Variants in RNF138 observed in about 807,000 individuals in gnomAD.
RNF138 encodes the protein E3 ubiquitin-protein ligase RNF138.
RNF138 carries 12 observed loss-of-function variants against 31.0 expected under a neutral mutation model. The observed-to-expected ratio is 0.39, with a 90% CI of 0.25 to 0.63. The LOEUF (loss-of-function observed/expected upper bound fraction) is 0.63, where lower values mean the gene tolerates loss of function less well. Ranked by LOEUF, RNF138 falls within the 20% of genes least tolerant of loss-of-function variation. The pLI, the probability that RNF138 is intolerant of heterozygous loss-of-function variation, is 0.52. For missense variants in RNF138, 192 were observed against 300.1 expected, an observed-to-expected ratio of 0.64 and a Z score of 2.66; for synonymous variants, 105 against 99.5, an observed-to-expected ratio of 1.06 and a Z score of -0.33.
At chr18:32,119,422 TTTTA>T (rs1159007040) in intron 4 of RNF138, among the ~76,000 whole-genome samples, 2 of 151,868 alleles carry the variant, frequency 1.3e-5, no homozygotes, top group Non-Finnish European at 2.9e-5. Flanking sequence ...TTTTATTTTA[TTTTA>T]TTTATTTTAT....
rs148087296 is a variant in RNF138, at chr18:32,112,976, TTAAC to T, written c.277-767_277-764del. 2.0e-3 allele frequency among the ~76,000 whole-genome samples: 298 copies of T among 152,280 alleles called. 2 individuals carry two copies. The highest frequency in any genetic ancestry group is 7.1e-3 in the African/African-American group (293 of 41,556). On this transcript the variant is annotated intron_variant, in intron 3 of 7. Transcript: ENST00000261593. ...TTTTACATCTTTTTGAAGGAAGTGT[TTAAC>T]TGACAGGGCAATGACGTGAAGCTGG...
At position 32,092,004 on chromosome 18, in the gene RNF138, C is replaced by G. The variant is rs1175970782; in HGVS notation, c.-309C>G. 6.6e-6 allele frequency: 1 copy of G among 152,624 alleles called. No individual in the cohort carries two copies. Among genetic ancestry groups the G allele is most frequent in the Non-Finnish European group, 1.5e-5 (1 of 68,366 alleles). The allele number at this position is 152,624 out of a possible 1,614,324, so 9.5% of individuals were successfully genotyped here. On this transcript the variant is annotated 5_prime_UTR_variant, in exon 1 of 8. Coordinates refer to ENST00000261593, the MANE Select transcript of RNF138 (RefSeq NM_016271.5). ...GGGTAGGCTGTAGGCAGCGCAATGC[C>G]AAGACAGAGCTGCTGGCGGCGGCGG...
chr18:32,116,747 GT>G (rs1486116057), intron 4 of RNF138, among the ~76,000 whole-genome samples: 1 of 151,612 alleles, frequency 6.6e-6, no homozygotes, highest in Non-Finnish European at 1.5e-5. Flanking sequence ...TGGGGGGGTG[GT>G]TTTTGGTGTT....
intron 6 of RNF138, chr18:32,125,132 G>C: frequency 4.0e-6 from 1 of 251,772 alleles, no homozygotes; most frequent in Non-Finnish European, 7.8e-6. Flanking sequence ...TTCCTGCGCA[G>C]TAGCACAACC....
At chr18:32,100,373 C>T (rs2039908905) in intron 2 of RNF138, among the ~76,000 whole-genome samples, 1 of 151,460 alleles carries the variant, frequency 6.6e-6, no homozygotes, top group Non-Finnish European at 1.5e-5. Flanking sequence ...GATCATGGCT[C>T]ACTGCAGCCT....
intron 4 of RNF138, 109 bp downstream of exon 4, chr18:32,113,969 A>C (rs1483307352): frequency 1.7e-6 from 1 of 582,926 alleles, no homozygotes. Flanking sequence ...GTATGTGCAC[A>C]TGTGTTTTTA....
rs1555700689 is a variant in RNF138 at position 32,130,092 on chromosome 18, TTGTGTGTATATATACACATA to T, written c.*915_*934del. 2.0e-5 allele frequency: 3 copies of T among 152,570 alleles called. No individual in the cohort carries two copies. The South Asian group carries it at 6.2e-4, about 32-fold the overall frequency. 9.5% of individuals were successfully genotyped at this position (152,570 alleles called of 1,614,324 possible). On this transcript the variant is annotated 3_prime_UTR_variant, in exon 8 of 8. Coordinates refer to ENST00000261593, the MANE Select transcript of RNF138 (RefSeq NM_016271.5). ...TAAAGATGTATATATACATATACTT[TTGTGTGTATATATACACATA>T]TGTGTGTATGCAGTTTGTCAGGTTA... is the stretch of plus-strand genomic sequence containing the variant.
intron 2 of RNF138, among the ~76,000 whole-genome samples, chr18:32,099,447 G>T (rs1439041907): frequency 6.6e-6 from 1 of 152,122 alleles, no homozygotes; most frequent in Admixed American, 6.5e-5. Context: ...CTGTTGCCCA[G>T]ACTGGAGTGC....
chr18:32,111,989 C>A, intron 3 of RNF138, 70 bp downstream of exon 3: 36 of 1,163,734 alleles, frequency 3.1e-5, no homozygotes, highest in Non-Finnish European at 3.9e-5. Flanking sequence ...TTTGAATTTT[C>A]TTGGTTGGTG....
In RNF138 at chr18:32,130,619, G is replaced by T. The variant is rs937916881; in HGVS notation, c.*1432G>T. 3 of 152,356 alleles carry T rather than the reference G, an allele frequency of 2.0e-5. No homozygotes were observed. The highest frequency in any genetic ancestry group is 4.4e-5 in the Non-Finnish European group (3 of 67,878). The allele number at this position is 152,356 out of a possible 1,614,324, so 9.4% of individuals were successfully genotyped here. On this transcript the variant is annotated 3_prime_UTR_variant, in exon 8 of 8. Transcript: ENST00000261593. ...TTTGCTGCTAATATATACATATATTGTATAAAAAGGTATATTTTGGTTTTG... is the reference window on the plus strand; with the variant it reads ...TTTGCTGCTAATATATACATATATTTTATAAAAAGGTATATTTTGGTTTTG...
chr18:32,102,882 T>C (rs1441160046), intron 2 of RNF138, among the ~76,000 whole-genome samples: 1 of 151,284 alleles, frequency 6.6e-6, no homozygotes, highest in East Asian at 2.0e-4. Context: ...CCACCTGCCT[T>C]GGCCTCACAA....
intron 2 of RNF138, among the ~76,000 whole-genome samples, chr18:32,101,333 C>T (rs1167557673): frequency 1.3e-5 from 2 of 151,650 alleles, no homozygotes; most frequent in African/African-American, 4.8e-5. Flanking sequence ...ATTCTTCTAC[C>T]TCAGTCTTCT....
intron 2 of RNF138, 22 bp downstream of exon 2, chr18:32,092,908 C>G (rs745681733): frequency 2.1e-6 from 3 of 1,405,740 alleles, no homozygotes; most frequent in Middle Eastern, 1.8e-4. Context: ...CCCCCTCCCC[C>G]TCGCGGAGCC....
intron 2 of RNF138, 135 bp downstream of exon 2, chr18:32,093,021 C>T: frequency 2.1e-6 from 1 of 481,210 alleles, no homozygotes; most frequent in South Asian, 3.5e-5. Context: ...CCCGCGAGGT[C>T]CCGTTCCCCG....
intron 4 of RNF138, among the ~76,000 whole-genome samples, chr18:32,114,367 T>G (rs1435307163): frequency 6.6e-6 from 1 of 152,204 alleles, no homozygotes; most frequent in Non-Finnish European, 1.5e-5. Context: ...TTGTATCTTA[T>G]CTCAGATTCA....
At chr18:32,106,756 G>C (rs1466598335) in intron 2 of RNF138, among the ~76,000 whole-genome samples, 1 of 151,856 alleles carries the variant, frequency 6.6e-6, no homozygotes, top group Non-Finnish European at 1.5e-5. Context: ...AGTAGAGACA[G>C]GGTTTCACCG....
rs1224639587 is a variant in RNF138, at chr18:32,119,836, CT to C, written c.393-3675del. On this transcript the variant is annotated intron_variant, in intron 4 of 7. Transcript: ENST00000261593. ...TTTTGTTGCTATAAAAATGAGCCCC[CT>C]TTTTTTCCTGTTTGATAATCTAATT... 4.6e-5 allele frequency among the ~76,000 whole-genome samples: 7 copies of C among 152,234 alleles called. No individual in the cohort carries two copies. In the South Asian group the frequency reaches 1.5e-3, roughly 32 times the overall value.
chr18:32,130,931 T>C lies in RNF138; in HGVS notation c.*1744T>C, dbSNP rs768380742. 6.6e-6 allele frequency: 1 copy of C among 152,452 alleles called. No individual in the cohort carries two copies. The highest frequency in any genetic ancestry group is 1.5e-5 in the Non-Finnish European group (1 of 67,892). 9.4% of individuals were successfully genotyped at this position (152,452 alleles called of 1,614,324 possible). ...AGCTCCTTTTTAAGACTTTTGACCA[T>C]AGTGTTTTCCAGTTTAAAGCAATAA... On this transcript the variant is annotated 3_prime_UTR_variant, in exon 8 of 8. Coordinates refer to ENST00000261593, the MANE Select transcript of RNF138 (RefSeq NM_016271.5).
chr18:32,117,665 G>A (rs747813264), intron 4 of RNF138, among the ~76,000 whole-genome samples: 1 of 152,170 alleles, frequency 6.6e-6, no homozygotes, highest in African/African-American at 2.4e-5. Context: ...ATAACTTCCA[G>A]TTGAGCCATC....
Sources: gnomAD v4.1 joint callset for allele counts (sites outside exome capture counted in the v4.1 genomes callset) on GRCh38, gnomAD v4.1.1 for gene constraint, MANE v1.5 for transcripts, NCBI Gene and HGNC (gene_info 2026-07-23, HGNC 2026-07-21) for gene names.